The following MAP2 variants were observed in gnomAD, a reference collection of about 807,000 sequenced individuals.
The protein encoded by MAP2 is microtubule associated protein 2, also known as microtubule-associated protein 2.
In MAP2, 14 loss-of-function variants were observed where a neutral mutation model predicts 137.6. That is an observed-to-expected ratio of 0.10 (90% CI 0.07 to 0.16). The LOEUF is 0.16. Ranked by LOEUF, MAP2 falls within the 10% of genes least tolerant of loss-of-function variation. The pLI, the probability that MAP2 is intolerant of heterozygous loss-of-function variation, is 1.00. For synonymous variants in MAP2, 786 were observed against 782.3 expected (o/e 1.00, Z -0.08); for missense variants, 2,088 against 2,191.5 (o/e 0.95, Z 0.94).
chr2:209,559,962 A>T (rs1435433161), intron 2 of MAP2, among the ~76,000 whole-genome samples: 2 of 152,238 alleles, frequency 1.3e-5, no homozygotes, highest in East Asian at 3.8e-4. Context: ...CTATATTATC[A>T]TGACTATGAT....
At chr2:209,554,941 AAT>A (rs202158501) in intron 2 of MAP2, among the ~76,000 whole-genome samples, 2,916 of 147,688 alleles carry the variant, frequency 0.02, 92 homozygotes, top group African/African-American at 0.068. Flanking sequence ...ATCATATATA[AAT>A]ATATATATTA....
chr2:209,592,875 G>A (rs1391774525), intron 3 of MAP2, among the ~76,000 whole-genome samples: 1 of 152,006 alleles, frequency 6.6e-6, no homozygotes, highest in African/African-American at 2.4e-5. Flanking sequence ...TCTGTGCTTA[G>A]GGTATTCCTA....
At position 209,573,868 on chromosome 2, in the gene MAP2, G is replaced by T. The variant is rs766272636; in HGVS notation, c.-171-6168G>T. On this transcript the variant is annotated intron_variant, in intron 2 of 15. Transcript: ENST00000682079. ...ACTATCCTAGGTATTTCATATAAAT[G>T]GAATTATAAAATATATGGCCTTTTG... is the stretch of plus-strand genomic sequence containing the variant. Among the ~76,000 whole-genome samples, 87 of 152,114 alleles carry T rather than the reference G, an allele frequency of 5.7e-4. 1 individual carries two copies. Among genetic ancestry groups the T allele is most frequent in the Non-Finnish European group, 3.2e-4 (22 of 67,978 alleles).
chr2:209,693,033 C>T lies in MAP2; in HGVS notation c.863C>T (p.Pro288Leu). 6.2e-7 allele frequency: 1 copy of T among 1,612,154 alleles called. No homozygotes were observed. The highest frequency in any genetic ancestry group is 8.5e-7 in the Non-Finnish European group (1 of 1,179,470). ...TTAGTTGCCCCCATATCTCCTGGCC[C>T]TCTGACTCCCATGAGGGAAAAAGAT... ...WGLVAPISPG[P>L]LTPMREKDVF... is the part of the protein sequence containing the mutation. Residue 288 changes from proline (P) to leucine (L), a missense_variant, in exon 8 of 16, where the codon CCT (proline) becomes CTT (leucine). Transcript: ENST00000682079.
chr2:209,544,624 C>A (rs1337669390), intron 2 of MAP2, among the ~76,000 whole-genome samples: 1 of 152,142 alleles, frequency 6.6e-6, no homozygotes, highest in Non-Finnish European at 1.5e-5. Context: ...TAAAATAGGG[C>A]ACTCAGTAAA....
chr2:209,559,345 G>A (rs1270810703), intron 2 of MAP2, among the ~76,000 whole-genome samples: 1 of 151,432 alleles, frequency 6.6e-6, no homozygotes, highest in East Asian at 1.9e-4. Flanking sequence ...TTCAAATTTG[G>A]CCATTCCACT....
At chr2:209,573,298 G>GGTTTTTTTTTTTTTTTTTTTTTTTTTT (rs770132978) in intron 2 of MAP2, among the ~76,000 whole-genome samples, 2 of 120,070 alleles carry the variant, frequency 1.7e-5, no homozygotes, top group African/African-American at 6.6e-5. Context: ...TTCTTTTTCT[G>GGTTTTTTTTTTTTTTTTTTTTTTTTTT]TTTTTTTTTT....
At chr2:209,631,699 CATCATTTTACAGG>C (rs2093070606) in intron 4 of MAP2, among the ~76,000 whole-genome samples, 2 of 152,114 alleles carry the variant, frequency 1.3e-5, no homozygotes, top group African/African-American at 2.4e-5. Context: ...TCGAGCCAAT[CATCATTTTACAGG>C]AGAGAAAAGA....
chr2:209,587,338 G>A (rs1201299013), intron 3 of MAP2, among the ~76,000 whole-genome samples: 4 of 152,066 alleles, frequency 2.6e-5, no homozygotes, highest in Non-Finnish European at 5.9e-5. Context: ...AAGCCACAGG[G>A]GAACAGAAGA....
rs188116917 is a variant in MAP2, at chr2:209,429,164, A to G, written c.-222+4888A>G. Among the ~76,000 whole-genome samples, 578 of 152,018 alleles carry G rather than the reference A, an allele frequency of 3.8e-3. 5 individuals carry two copies. Among genetic ancestry groups the G allele is most frequent in the African/African-American group, 0.014 (561 of 41,490 alleles). Reference sequence around the variant, plus strand: ...GAGACAGGGTTTCACCTTGTTAGCCAGGATGATCTCGATCTCCTGACCTCG... The same window carrying G: ...GAGACAGGGTTTCACCTTGTTAGCCGGGATGATCTCGATCTCCTGACCTCG... On this transcript the variant is annotated intron_variant, in intron 1 of 15. Transcript: ENST00000682079.
At chr2:209,610,903 C>A (rs953028821) in intron 3 of MAP2, among the ~76,000 whole-genome samples, 3 of 152,220 alleles carry the variant, frequency 2.0e-5, no homozygotes, top group Admixed American at 2.0e-4. Flanking sequence ...ACCCAGGAAG[C>A]TTTTGTAGAA....
At chr2:209,661,430 C>G in intron 5 of MAP2, 2 of 800,072 alleles carry the variant, frequency 2.5e-6, no homozygotes, top group South Asian at 1.1e-4. Context: ...ATGCCAACCA[C>G]TCATTGCTCT....
chr2:209,555,476 G>A (rs2070346093), intron 2 of MAP2, among the ~76,000 whole-genome samples: 2 of 152,158 alleles, frequency 1.3e-5, no homozygotes, highest in Admixed American at 1.3e-4. Flanking sequence ...GGATGGGACT[G>A]TTTATTAAGG....
Position 209,568,115 on chromosome 2 carries a change from T to G in MAP2, c.-171-11921T>G, listed in dbSNP as rs564841913. Among the ~76,000 whole-genome samples the G allele has an allele frequency of 4.6e-5, 7 of 152,132 alleles. No individual in the cohort carries two copies. In the East Asian group the frequency reaches 1.2e-3, roughly 25 times the overall value. ...ATAAATAAATACCTGCATAGATAAT[T>G]AATTCTCTCTTCTCATCTCTATTGT... On this transcript the variant is annotated intron_variant, in intron 2 of 15. Transcript: ENST00000682079.
At chr2:209,725,094 T>A (rs993246840) in intron 13 of MAP2, among the ~76,000 whole-genome samples, 5 of 152,188 alleles carry the variant, frequency 3.3e-5, no homozygotes, top group African/African-American at 1.2e-4. Flanking sequence ...CAGATGACAA[T>A]GGACCAAACT....
intron 12 of MAP2, among the ~76,000 whole-genome samples, chr2:209,707,131 C>A (rs2063685338): frequency 6.6e-6 from 1 of 152,110 alleles, no homozygotes; most frequent in African/African-American, 2.4e-5. Context: ...TTGAATTATA[C>A]TTGTATTTGT....
chr2:209,670,968 A>G (rs767364427), intron 5 of MAP2, among the ~76,000 whole-genome samples: 6 of 151,974 alleles, frequency 3.9e-5, no homozygotes, highest in Non-Finnish European at 7.4e-5. Flanking sequence ...GGTGCAAAAT[A>G]AATTCTCTTA....
chr2:209,667,995 C>A (rs2047097348), intron 5 of MAP2, among the ~76,000 whole-genome samples: 1 of 151,968 alleles, frequency 6.6e-6, no homozygotes, highest in Non-Finnish European at 1.5e-5. Flanking sequence ...ATCAGGCTAC[C>A]TACCTAGATA....
At chr2:209,603,530 A>T (rs1283006993) in intron 3 of MAP2, among the ~76,000 whole-genome samples, 1 of 152,150 alleles carries the variant, frequency 6.6e-6, no homozygotes, top group Admixed American at 6.6e-5. Flanking sequence ...CGGAGTAACC[A>T]TTTAAGCAAG....
Sources: gnomAD v4.1 joint callset for allele counts (sites outside exome capture counted in the v4.1 genomes callset) on GRCh38, gnomAD v4.1.1 for gene constraint, MANE v1.5 for transcripts, NCBI Gene and HGNC (gene_info 2026-07-23, HGNC 2026-07-21) for gene names.